The following IGSF10 variants were observed in gnomAD, a reference collection of about 807,000 sequenced individuals.
IGSF10 encodes calvaria mechanical force protein 608.
In IGSF10, 126 loss-of-function variants were observed where a neutral mutation model predicts 128.2. The observed-to-expected ratio is 0.98, with a 90% CI of 0.85 to 1.14. The LOEUF (loss-of-function observed/expected upper bound fraction) is 1.14, where lower values mean the gene tolerates loss of function less well. IGSF10 is among the 50% of genes most tolerant of loss of function. The pLI, the probability that IGSF10 is intolerant of heterozygous loss-of-function variation, is 0.00. For synonymous variants in IGSF10, 1,185 were observed against 1,146.2 expected (o/e 1.03, Z -0.68); for missense variants, 3,295 against 3,149.8 (o/e 1.05, Z -1.10).
the IGSF10 span, among the ~76,000 whole-genome samples, chr3:151,507,823 ATATT>A: frequency 2.6e-5 from 4 of 152,186 alleles, no homozygotes; most frequent in Admixed American, 6.5e-5. Context: ...ATCATATTAA[ATATT>A]AATTATTAAA....
At chr3:151,497,062 A>C in the IGSF10 span, among the ~76,000 whole-genome samples, 1 of 152,146 alleles carries the variant, frequency 6.6e-6, no homozygotes, top group Admixed American at 6.6e-5. Context: ...TTCATTGTAG[A>C]TTCTGGATAT....
At position 151,437,546 on chromosome 3, in the gene IGSF10, A is replaced by C. The variant is rs1386742178; in HGVS notation, c.7015T>G (p.Phe2339Val). Residue 2339 changes from phenylalanine (F) to valine (V), a missense_variant, in exon 8 of 8, where the codon TTT (phenylalanine) becomes GTT (valine). By Grantham distance (50) the Phe-to-Val change is conservative. Coordinates refer to ENST00000282466, the MANE Select transcript of IGSF10 (RefSeq NM_178822.5). ...ATTTTTTCATTAAATGGATTTCTAA[A>C]TGTCGGTCTTCTCAGCATTTCCAGT... ...EVLEMLRRPTFRNPFNEKIVA... is the reference protein window; with the variant it reads ...EVLEMLRRPTVRNPFNEKIVA... 1 of 1,614,200 alleles carries C rather than the reference A, an allele frequency of 6.2e-7. No homozygotes were observed. The highest frequency in any genetic ancestry group is 1.7e-5 in the Admixed American group (1 of 60,030).
the IGSF10 span, among the ~76,000 whole-genome samples, chr3:151,513,735 C>A: frequency 6.6e-6 from 1 of 152,184 alleles, no homozygotes; most frequent in Admixed American, 6.5e-5. Flanking sequence ...TTGTCTCAGC[C>A]CAAAATCTCT....
At chr3:151,451,751 A>G (rs779084226) in intron 5 of IGSF10, among the ~76,000 whole-genome samples, 2 of 152,218 alleles carry the variant, frequency 1.3e-5, no homozygotes, top group Non-Finnish European at 2.9e-5. Context: ...TGCCTTTAAA[A>G]TGTTTCAATT....
the IGSF10 span, among the ~76,000 whole-genome samples, chr3:151,568,080 G>T: frequency 1.3e-5 from 2 of 152,166 alleles, no homozygotes; most frequent in Non-Finnish European, 2.9e-5. Context: ...TGTCAGAAGA[G>T]TAAAGACCCT....
Position 151,446,676 on chromosome 3 carries a change from G to A in IGSF10, c.3305C>T (p.Ser1102Phe), listed in dbSNP as rs1425261092. The A allele has an allele frequency of 6.2e-7, 1 of 1,613,698 alleles. No homozygotes were observed. Among genetic ancestry groups the A allele is most frequent in the South Asian group, 1.1e-5 (1 of 91,066 alleles). Residue 1102 changes from serine to phenylalanine, a missense_variant, in exon 6 of 8, where the codon TCT becomes TTT. Transcript: ENST00000282466. ...ADIARVPSEESTTLVQNPLLL... is the reference protein window; with the variant it reads ...ADIARVPSEEFTTLVQNPLLL... ...TAGTGGATTCTGGACTAGAGTTGTA[G>A]ACTCTTCTGATGGGACTCTAGCAAT...
Position 151,450,671 on chromosome 3 carries a change from C to T in IGSF10, c.716-1406G>A, listed in dbSNP as rs1407943985. On this transcript the variant is annotated intron_variant, in intron 5 of 7. Transcript: ENST00000282466. The stretch of plus-strand genomic sequence containing the variant: ...CAGCACTTTGGGAGGCCGAGGTGGG[C>T]GGATCACCTGAGGTTGGAAGTTTGA... Among the ~76,000 whole-genome samples, 5 of 151,798 alleles carry T rather than the reference C, an allele frequency of 3.3e-5. No homozygotes were observed. In the East Asian group the frequency reaches 5.8e-4, roughly 18 times the overall value.
chr3:151,614,905 AAAG>A, the IGSF10 span, among the ~76,000 whole-genome samples: 5 of 151,838 alleles, frequency 3.3e-5, no homozygotes, highest in African/African-American at 7.2e-5. Flanking sequence ...AAAAAAAAAA[AAAG>A]AAGCCTGTAA....
chr3:151,473,749 T>C, the IGSF10 span, among the ~76,000 whole-genome samples: 1 of 152,220 alleles, frequency 6.6e-6, no homozygotes, highest in Non-Finnish European at 1.5e-5. Context: ...GCCCTGAGGA[T>C]CTATATTGGG....
downstream of IGSF10, chr3:151,434,829 CTT>C (rs1410328371): frequency 6.6e-6 from 1 of 152,166 alleles, no homozygotes; most frequent in East Asian, 1.9e-4. Flanking sequence ...TTTGTATGCA[CTT>C]TATACTTTGC....
the IGSF10 span, among the ~76,000 whole-genome samples, chr3:151,599,454 T>C: frequency 6.6e-6 from 1 of 152,106 alleles, no homozygotes; most frequent in Non-Finnish European, 1.5e-5. Context: ...TGAGGCAGAA[T>C]GGATTTGGTT....
At chr3:151,569,617 A>G in the IGSF10 span, among the ~76,000 whole-genome samples, 158 of 152,316 alleles carry the variant, frequency 1.0e-3, no homozygotes, top group African/African-American at 3.5e-3. Flanking sequence ...AAATGCAGCC[A>G]CAAAGTCCTG....
intron 7 of IGSF10, chr3:151,440,647 TC>T (rs1157293727): frequency 2.2e-6 from 1 of 456,736 alleles, no homozygotes; most frequent in South Asian, 1.5e-5. Flanking sequence ...CCTAATGCTT[TC>T]TAAAAGTATT....
chr3:151,442,604 G>A (rs1413672309), intron 7 of IGSF10, among the ~76,000 whole-genome samples: 3 of 147,240 alleles, frequency 2.0e-5, no homozygotes, highest in African/African-American at 7.6e-5. Context: ...GGCCGAGCTG[G>A]TCCTGAACTC....
the IGSF10 span, among the ~76,000 whole-genome samples, chr3:151,555,385 CG>C: frequency 6.6e-6 from 1 of 151,628 alleles, no homozygotes; most frequent in African/African-American, 2.4e-5. Flanking sequence ...AGGACTTACA[CG>C]GTTGGAAAAA....
At chr3:151,611,758 A>C in the IGSF10 span, among the ~76,000 whole-genome samples, 2 of 152,180 alleles carry the variant, frequency 1.3e-5, no homozygotes, top group Non-Finnish European at 2.9e-5. Context: ...AAGCAGCTTA[A>C]ATCATATATT....
the IGSF10 span, among the ~76,000 whole-genome samples, chr3:151,558,012 A>AT: frequency 0.073 from 2,191 of 30,092 alleles, 255 homozygotes; most frequent in South Asian, 0.22. Context: ...TATAATATAT[A>AT]TATATAATAT....
chr3:151,480,651 A>C, the IGSF10 span, among the ~76,000 whole-genome samples: 1 of 151,734 alleles, frequency 6.6e-6, no homozygotes. Context: ...CACCATGCCC[A>C]CCCAGTAGTG....
the IGSF10 span, among the ~76,000 whole-genome samples, chr3:151,590,865 T>C: frequency 6.6e-6 from 1 of 152,170 alleles, no homozygotes; most frequent in Admixed American, 6.5e-5. Context: ...TTGTGGTAAA[T>C]TTAGATTTGG....
Sources: gnomAD v4.1 joint callset for allele counts (sites outside exome capture counted in the v4.1 genomes callset) on GRCh38, gnomAD v4.1.1 for gene constraint, MANE v1.5 for transcripts, NCBI Gene and HGNC (gene_info 2026-07-23, HGNC 2026-07-21) for gene names.